The following PRKN variants were observed in gnomAD, a reference collection of about 807,000 sequenced individuals.
PRKN encodes the protein parkin RBR E3 ubiquitin protein ligase, also known as E3 ubiquitin-protein ligase parkin.
In PRKN, 56 loss-of-function variants were observed where a neutral mutation model predicts 59.5. That is an observed-to-expected ratio of 0.94 (90% CI 0.76 to 1.18). The LOEUF (loss-of-function observed/expected upper bound fraction) is 1.18, where lower values mean the gene tolerates loss of function less well. PRKN is among the 50% of genes most tolerant of loss of function. The pLI, the probability that PRKN is intolerant of heterozygous loss-of-function variation, is 0.00. For synonymous variants in PRKN, 250 were observed against 222.1 expected (o/e 1.13, Z -1.12); for missense variants, 657 against 596.4 (o/e 1.10, Z -1.06).
rs1583079313 is a variant in PRKN at position 161,738,148 on chromosome 6, T to A, written c.871+47624A>T. Among the ~76,000 whole-genome samples, 4 of 152,292 alleles carry A rather than the reference T, an allele frequency of 2.6e-5. No homozygotes were observed. The East Asian group carries it at 5.8e-4, about 22-fold the overall frequency. Reference sequence around the variant, plus strand: ...GATTTCCTCTTCTTTATTTTACTATTTTTCTATAAATAGTAAAATATACTT... The same window carrying A: ...GATTTCCTCTTCTTTATTTTACTATATTTCTATAAATAGTAAAATATACTT... On this transcript the variant is annotated intron_variant, in intron 7 of 11. Coordinates refer to ENST00000366898, the MANE Select transcript of PRKN (RefSeq NM_004562.3).
chr6:162,335,608 T>C (rs1279091867), intron 2 of PRKN, among the ~76,000 whole-genome samples: 3 of 152,204 alleles, frequency 2.0e-5, no homozygotes, highest in Non-Finnish European at 2.9e-5. Flanking sequence ...GCCAACAACA[T>C]ACTCAGAGTG....
chr6:162,544,672 A>ATTTTTTTTTTTT (rs11296683), intron 1 of PRKN, among the ~76,000 whole-genome samples: 3 of 71,510 alleles, frequency 4.2e-5, no homozygotes, highest in East Asian at 3.6e-4. Context: ...TTTATTGTTG[A>ATTTTTTTTTTTT]TTTTTTTTTT....
In PRKN at chr6:162,643,397, C is replaced by CAAA. The variant is rs59995115; in HGVS notation, c.7+84262_7+84264dup. ...TGGGTGACAGAGCAAGACTCTGCCT[C>CAAA]AAAAAAAAAAAAAAAAAAGAAAGAA... On this transcript the variant is annotated intron_variant, in intron 1 of 11. Coordinates refer to ENST00000366898, the MANE Select transcript of PRKN (RefSeq NM_004562.3). 1.5e-3 allele frequency among the ~76,000 whole-genome samples: 123 copies of CAAA among 82,484 alleles called. 4 individuals are homozygous for CAAA. Among genetic ancestry groups the CAAA allele is most frequent in the Non-Finnish European group, 1.1e-3 (49 of 46,446 alleles). 54.1% of individuals were successfully genotyped at this position (82,484 alleles called of 152,430 possible).
At chr6:162,645,472 A>T (rs1205013060) in intron 1 of PRKN, among the ~76,000 whole-genome samples, 1 of 152,206 alleles carries the variant, frequency 6.6e-6, no homozygotes, top group Non-Finnish European at 1.5e-5. Flanking sequence ...GGTCAATTGC[A>T]GCTCTTCTTT....
intron 6 of PRKN, among the ~76,000 whole-genome samples, chr6:161,929,517 CTTTTTTTTTTT>C (rs759945931): frequency 4.2e-5 from 3 of 72,256 alleles, no homozygotes; most frequent in African/African-American, 1.7e-4. Context: ...AATTTCACCT[CTTTTTTTTTTT>C]TTTTTTTTTT....
At chr6:161,438,773 G>A (rs1265351627) in intron 9 of PRKN, among the ~76,000 whole-genome samples, 1 of 152,180 alleles carries the variant, frequency 6.6e-6, no homozygotes. Flanking sequence ...CATCCCGCAT[G>A]TAGCTATTTG....
At chr6:162,320,156 G>T (rs887722216) in intron 2 of PRKN, among the ~76,000 whole-genome samples, 2 of 151,450 alleles carry the variant, frequency 1.3e-5, no homozygotes, top group Non-Finnish European at 3.0e-5. Flanking sequence ...TGTTTTCTAT[G>T]GTTAAATATA....
At chr6:161,941,775 A>ATGAGC (rs1410484758) in intron 6 of PRKN, among the ~76,000 whole-genome samples, 1 of 152,134 alleles carries the variant, frequency 6.6e-6, no homozygotes, top group African/African-American at 2.4e-5. Flanking sequence ...CGCCCCCATG[A>ATGAGC]CATGCCCTGG....
At chr6:162,490,642 T>C (rs1453759574) in intron 1 of PRKN, among the ~76,000 whole-genome samples, 20 of 152,136 alleles carry the variant, frequency 1.3e-4, no homozygotes, top group Non-Finnish European at 5.9e-5. Context: ...ATTTTAATAA[T>C]AGACTAAGCC....
intron 1 of PRKN, among the ~76,000 whole-genome samples, chr6:162,496,782 C>G (rs1336654766): frequency 6.6e-6 from 1 of 152,194 alleles, no homozygotes; most frequent in Admixed American, 6.5e-5. Context: ...AAAAGAGACA[C>G]TTTAGACGCA....
At chr6:162,401,138 T>C (rs1787773312) in intron 2 of PRKN, among the ~76,000 whole-genome samples, 1 of 151,820 alleles carries the variant, frequency 6.6e-6, no homozygotes, top group Non-Finnish European at 1.5e-5. Context: ...CATGCCAAAA[T>C]GTGGCAAATG....
chr6:162,596,547 T>TTAAG (rs374167088), intron 1 of PRKN, among the ~76,000 whole-genome samples: 248 of 152,272 alleles, frequency 1.6e-3, no homozygotes, highest in East Asian at 0.01. Flanking sequence ...AATAAAGCAA[T>TTAAG]TGTCTTCTCT....
At chr6:162,662,283 TGTTGA>T (rs1298492058) in intron 1 of PRKN, among the ~76,000 whole-genome samples, 3 of 151,724 alleles carry the variant, frequency 2.0e-5, no homozygotes, top group Non-Finnish European at 2.9e-5. Context: ...TTTTTTTTCT[TGTTGA>T]GTTGTTTGAG....
intron 9 of PRKN, among the ~76,000 whole-genome samples, chr6:161,404,970 A>T (rs1159629235): frequency 6.6e-6 from 1 of 152,196 alleles, no homozygotes; most frequent in Admixed American, 6.5e-5. Context: ...AAAAAGGGGG[A>T]CTAATTCTTC....
intron 7 of PRKN, among the ~76,000 whole-genome samples, chr6:161,759,291 C>T (rs1789090169): frequency 6.6e-6 from 1 of 152,120 alleles, no homozygotes. Flanking sequence ...CATGGCACGC[C>T]TGCATCTTCC....
At chr6:162,661,363 G>A (rs895610993) in intron 1 of PRKN, among the ~76,000 whole-genome samples, 2 of 152,162 alleles carry the variant, frequency 1.3e-5, no homozygotes, top group Admixed American at 6.5e-5. Context: ...TGTAATTTCT[G>A]TAAAAATTCT....
chr6:162,628,200 C>T (rs770939798), intron 1 of PRKN, among the ~76,000 whole-genome samples: 2 of 151,866 alleles, frequency 1.3e-5, no homozygotes, highest in South Asian at 2.1e-4. Context: ...ATGATGAAGA[C>T]GCAGAGGAAA....
intron 2 of PRKN, among the ~76,000 whole-genome samples, chr6:162,272,426 T>A (rs1488201791): frequency 6.6e-6 from 1 of 152,116 alleles, no homozygotes; most frequent in African/African-American, 2.4e-5. Context: ...ATATATATAT[T>A]TTATTTGACA....
chr6:162,222,966 T>C (rs1777998682), intron 3 of PRKN, among the ~76,000 whole-genome samples: 1 of 151,572 alleles, frequency 6.6e-6, no homozygotes, highest in Admixed American at 6.6e-5. Context: ...CATTAACTCA[T>C]CATTTAGCAT....
Sources: allele counts gnomAD v4.1 joint callset (sites outside exome capture counted in the v4.1 genomes callset), GRCh38; gene constraint gnomAD v4.1.1; transcripts MANE v1.5; gene names NCBI Gene and HGNC (gene_info 2026-07-23, HGNC 2026-07-21).